The following SUPT3H variants were observed in gnomAD, a reference collection of about 807,000 sequenced individuals.
The protein encoded by SUPT3H is SPT3 homolog, SAGA and STAGA complex component, also known as transcription initiation protein SPT3 homolog.
Under a neutral mutation model 44.3 loss-of-function variants are expected in SUPT3H, and 44 were observed. That is an observed-to-expected ratio of 0.99 (90% confidence interval 0.78 to 1.28). The LOEUF (loss-of-function observed/expected upper bound fraction) is 1.28, where lower values mean the gene tolerates loss of function less well. SUPT3H is among the 50% of genes most tolerant of loss of function. SUPT3H has a pLI of 0.00. For synonymous variants in SUPT3H, 124 were observed against 125.6 expected (o/e 0.99, Z 0.09); for missense variants, 380 against 387.1 (o/e 0.98, Z 0.15).
chr6:45,369,578 C>G (rs1481961292), intron 1 of SUPT3H, among the ~76,000 whole-genome samples: 2 of 152,106 alleles, frequency 1.3e-5, no homozygotes, highest in African/African-American at 4.8e-5. Flanking sequence ...CCACCAAAGA[C>G]AGTGTATCGT....
At chr6:45,351,145 C>T (rs1791938406) in intron 2 of SUPT3H, among the ~76,000 whole-genome samples, 1 of 152,104 alleles carries the variant, frequency 6.6e-6, no homozygotes. Flanking sequence ...GTCCCTGCTG[C>T]CAAAATGGTT....
At chr6:44,986,652 A>G (rs901465266) in intron 6 of SUPT3H, among the ~76,000 whole-genome samples, 94 of 152,270 alleles carry the variant, frequency 6.2e-4, no homozygotes, top group African/African-American at 2.2e-3. Flanking sequence ...AAGTAATTAA[A>G]GGTGGTTATT....
chr6:45,236,194 G>A (rs955220562), intron 2 of SUPT3H, among the ~76,000 whole-genome samples: 10 of 152,158 alleles, frequency 6.6e-5, no homozygotes, highest in South Asian at 2.1e-4. Flanking sequence ...TTCCTCTAGC[G>A]CTGCTGGGTT....
intron 10 of SUPT3H, among the ~76,000 whole-genome samples, chr6:44,892,610 T>C (rs760561419): frequency 2.6e-5 from 4 of 152,188 alleles, no homozygotes; most frequent in Non-Finnish European, 4.4e-5. Context: ...AAAAAGGATC[T>C]GAAACAGTAC....
intron 3 of SUPT3H, among the ~76,000 whole-genome samples, chr6:45,071,242 C>A (rs897006010): frequency 2.7e-5 from 4 of 150,862 alleles, no homozygotes; most frequent in Non-Finnish European, 5.9e-5. Flanking sequence ...TTTTATTAAT[C>A]CCATAGGTCA....
intron 10 of SUPT3H, among the ~76,000 whole-genome samples, chr6:44,846,400 G>A (rs1362479447): frequency 6.6e-6 from 1 of 152,006 alleles, no homozygotes; most frequent in Non-Finnish European, 1.5e-5. Flanking sequence ...GAGGCTCAAA[G>A]GTAGTTCAGA....
chr6:45,062,619 C>G (rs1213784222), intron 3 of SUPT3H, among the ~76,000 whole-genome samples: 1 of 152,188 alleles, frequency 6.6e-6, no homozygotes, highest in Admixed American at 6.5e-5. Context: ...ATGCGCAAGC[C>G]GAAGCAGGGC....
rs112798082 is a variant in SUPT3H at position 44,978,590 on chromosome 6, T to C, written c.505-16762A>G. On this transcript the variant is annotated intron_variant, in intron 6 of 10. Coordinates refer to ENST00000371459, the MANE Select transcript of SUPT3H (RefSeq NM_003599.4). ...TGCTAAACAATGAGAATATGCATAC[T>C]GTGTATGTTTCATTAGTTTGTAGGC... Among the ~76,000 whole-genome samples, 1,375 of 152,362 alleles carry C rather than the reference T, an allele frequency of 9.0e-3. 14 individuals carry two copies. The highest frequency in any genetic ancestry group is 0.028 in the South Asian group (135 of 4,830).
At chr6:45,135,436 T>C (rs1362964084) in intron 2 of SUPT3H, among the ~76,000 whole-genome samples, 1 of 152,178 alleles carries the variant, frequency 6.6e-6, no homozygotes, top group Non-Finnish European at 1.5e-5. Flanking sequence ...AATTAAATTA[T>C]TTATCTCTTC....
chr6:44,815,236 G>C (rs2153403852), intron 11 of SUPT3H, among the ~76,000 whole-genome samples: 1 of 152,242 alleles, frequency 6.6e-6, no homozygotes, highest in Middle Eastern at 3.4e-3. Context: ...ATAATAAAAA[G>C]GGTGGTAAAG....
At chr6:45,169,087 C>T (rs973973924) in intron 2 of SUPT3H, among the ~76,000 whole-genome samples, 1 of 152,120 alleles carries the variant, frequency 6.6e-6, no homozygotes, top group Non-Finnish European at 1.5e-5. Context: ...AAGGAGCATA[C>T]AATTAGAGTC....
At chr6:44,970,305 CATCTTGGGAT>C (rs1374315875) in intron 6 of SUPT3H, among the ~76,000 whole-genome samples, 1 of 151,974 alleles carries the variant, frequency 6.6e-6, no homozygotes, top group Non-Finnish European at 1.5e-5. Flanking sequence ...AAATATTTCC[CATCTTGGGAT>C]AAAATGTGTG....
chr6:45,262,410 G>GAA (rs776107016), intron 2 of SUPT3H, among the ~76,000 whole-genome samples: 1 of 151,954 alleles, frequency 6.6e-6, no homozygotes, highest in Non-Finnish European at 1.5e-5. Context: ...AAGTAATGGG[G>GAA]AAAGGACTCC....
intron 6 of SUPT3H, among the ~76,000 whole-genome samples, chr6:44,999,384 C>T (rs190313451): frequency 1.3e-5 from 2 of 152,128 alleles, no homozygotes; most frequent in Admixed American, 1.3e-4. Flanking sequence ...GCGTACACCA[C>T]CACGTGCACC....
At chr6:44,881,545 A>G (rs956338109) in intron 10 of SUPT3H, among the ~76,000 whole-genome samples, 14 of 152,216 alleles carry the variant, frequency 9.2e-5, no homozygotes, top group Admixed American at 2.6e-4. Flanking sequence ...GACCTAATAG[A>G]TATCTACAGA....
intron 2 of SUPT3H, among the ~76,000 whole-genome samples, chr6:45,215,426 C>A (rs1764875938): frequency 6.6e-6 from 1 of 151,982 alleles, no homozygotes; most frequent in South Asian, 2.1e-4. Context: ...CAAGGGAATA[C>A]ACAGACAATT....
chr6:44,954,537 T>C lies in SUPT3H; in HGVS notation c.651A>G (p.Ala217=). ...SSMEIKPNVV[A]MEILAYLAYE... ...ACGCTAAATATGCTAAGATTTCCAT[T>C]GCGACAACATTGGGTTTTATCTCCA... is the stretch of plus-strand genomic sequence containing the variant. The change falls in exon 8 of 11, where the codon GCA becomes GCG. Residue 217 remains alanine, a synonymous_variant. Coordinates refer to ENST00000371459, the MANE Select transcript of SUPT3H (RefSeq NM_003599.4). 5.6e-6 allele frequency: 9 copies of C among 1,614,160 alleles called. No individual in the cohort carries two copies. Among genetic ancestry groups the C allele is most frequent in the Non-Finnish European group, 7.6e-6 (9 of 1,180,024 alleles).
intron 10 of SUPT3H, among the ~76,000 whole-genome samples, chr6:44,872,301 C>T (rs1205239528): frequency 5.3e-5 from 4 of 75,226 alleles, no homozygotes; most frequent in Non-Finnish European, 5.3e-5. Context: ...GCGGATCTCT[C>T]GGCAGAAACC....
intron 2 of SUPT3H, among the ~76,000 whole-genome samples, chr6:45,255,191 A>T (rs1169282468): frequency 6.6e-6 from 1 of 152,058 alleles, no homozygotes; most frequent in Non-Finnish European, 1.5e-5. Flanking sequence ...ATAGAGAGAG[A>T]GAGTTTGGTA....
Sources: allele counts gnomAD v4.1 joint callset (sites outside exome capture counted in the v4.1 genomes callset), GRCh38; gene constraint gnomAD v4.1.1; transcripts MANE v1.5; gene names NCBI Gene and HGNC (gene_info 2026-07-23, HGNC 2026-07-21).